FCN1: variants seen among roughly 807,000 people sequenced by gnomAD.
The protein encoded by FCN1 is ficolin 1.
A neutral mutation model predicts 35.6 loss-of-function variants in FCN1; 42 were observed. That is an observed-to-expected ratio of 1.18 (90% confidence interval 0.92 to 1.53). The LOEUF (loss-of-function observed/expected upper bound fraction) is 1.53. Among genes scored for constraint, FCN1 ranks in the 40% most tolerant of loss-of-function variants. The probability of loss-of-function intolerance (pLI) is 0.00; values close to 1 mark genes in which losing one functional copy is unlikely to be tolerated. For synonymous variants in FCN1, 179 were observed against 169.8 expected, an observed-to-expected ratio of 1.05 and a Z score of -0.42; for missense variants, 439 against 428.4, an observed-to-expected ratio of 1.02 and a Z score of -0.22.
Position 134,905,754 on chromosome 9 carries a change from G to A in FCN1, c.*4044C>T, listed in dbSNP as rs1830936624. Reference sequence around the variant, plus strand: ...CCGCCTCGGCCTCCCAAAGTGCTGGGATTACAAGCGTGAGCCACCGCGCCT... The same window carrying A: ...CCGCCTCGGCCTCCCAAAGTGCTGGAATTACAAGCGTGAGCCACCGCGCCT... On this transcript the variant is annotated 3_prime_UTR_variant, in exon 9 of 9. Transcript: ENST00000371806. 4.9e-6 allele frequency: 1 copy of A among 206,012 alleles called. No homozygotes were observed. 12.8% of individuals were successfully genotyped at this position (206,012 alleles called of 1,614,324 possible). A position where few individuals can be genotyped will look rare whatever the true frequency, so the allele number is the denominator to read the frequency against.
intron 5 of FCN1, 136 bp from the exon 6 acceptor site, chr9:134,913,279 G>T: frequency 8.1e-7 from 1 of 1,232,982 alleles, no homozygotes; most frequent in Non-Finnish European, 1.1e-6. Context: ...GGCCTGGACA[G>T]GGACACGGCC....
rs148356480 is a variant in FCN1, at chr9:134,916,463, T to G, written c.104-2A>C. 1 of 1,613,872 alleles carries G rather than the reference T, an allele frequency of 6.2e-7. No individual in the cohort carries two copies. Among genetic ancestry groups the G allele is most frequent in the African/African-American group, 1.3e-5 (1 of 74,938 alleles). ...CCTCCAGGCCCACCACCTTCACCTC[T>G]GCAGAGAAACACAGGTGCCCACTCA... On this transcript the variant is annotated splice_acceptor_variant, in intron 1 of 8. Coordinates refer to ENST00000371806, the MANE Select transcript of FCN1 (RefSeq NM_002003.5). LOFTEE classifies it high-confidence loss of function.
rs935530126 is a variant in FCN1, at chr9:134,905,110, A to T, written c.*4688T>A. Among the ~76,000 whole-genome samples the T allele has an allele frequency of 5.3e-5, 8 of 152,230 alleles. No homozygotes were observed. Among genetic ancestry groups the T allele is most frequent in the Non-Finnish European group, 1.0e-4 (7 of 68,044 alleles). ...ATACCGTAAAAAATCAAGGCTATAT[A>T]TTGCAATCGCAAGCATAAACACCAA... is the stretch of plus-strand genomic sequence containing the variant. On this transcript the variant is annotated 3_prime_UTR_variant, in exon 9 of 9. Coordinates refer to ENST00000371806, the MANE Select transcript of FCN1 (RefSeq NM_002003.5).
chr9:134,916,231 C>A, intron 2 of FCN1, 117 bp downstream of exon 2: 1 of 812,840 alleles, frequency 1.2e-6, no homozygotes. Context: ...GGGCCTGACC[C>A]AGGCTCTTGA....
Position 134,914,433 on chromosome 9 carries a change from G to C in FCN1, c.272-13C>G, listed in dbSNP as rs778151474. On this transcript the variant is annotated splice_polypyrimidine_tract_variant and intron_variant, in intron 3 of 8. Coordinates refer to ENST00000371806, the MANE Select transcript of FCN1 (RefSeq NM_002003.5). ...TCTCCTCGGTCTCCTGGAGGAAGAG[G>C]CAGGATAATGAGCTTTTGACCCCAG... 2.5e-6 allele frequency: 4 copies of C among 1,613,678 alleles called. No homozygotes were observed. In the Admixed American group the frequency reaches 6.7e-5, roughly 27 times the overall value.
rs140975335 is a variant in FCN1 at position 134,914,762 on chromosome 9, G to A, written c.265C>T (p.Pro89Ser). 5 of 1,611,566 alleles carry A rather than the reference G, an allele frequency of 3.1e-6. No individual in the cohort carries two copies. Among genetic ancestry groups the A allele is most frequent in the Non-Finnish European group, 4.2e-6 (5 of 1,178,532 alleles). Residue 89 changes from proline (P) to serine (S), a missense_variant, in exon 3 of 9, where the codon CCC (proline) becomes TCC (serine). Pro to Ser is a moderately conservative substitution (Grantham distance 74, BLOSUM62 -1). Coordinates refer to ENST00000371806, the MANE Select transcript of FCN1 (RefSeq NM_002003.5). ...GAPGKAGPVG[P>S]KGDRGEKGMR... ...CTGTCTGTCCCCTGGTTACCTTTGG[G>A]CCCCACTGGTCCTGCCTTTCCAGGG... is the stretch of plus-strand genomic sequence containing the variant.
At chr9:134,911,540 G>A (rs1303843562) in intron 7 of FCN1, among the ~76,000 whole-genome samples, 3 of 149,928 alleles carry the variant, frequency 2.0e-5, no homozygotes, top group African/African-American at 7.4e-5. Flanking sequence ...TTTTAGTAGA[G>A]ATGGGGTTTC....
chr9:134,904,875 A>T lies in FCN1; in HGVS notation c.*4923T>A, dbSNP rs1830922044. On this transcript the variant is annotated 3_prime_UTR_variant, in exon 9 of 9. Coordinates refer to ENST00000371806, the MANE Select transcript of FCN1 (RefSeq NM_002003.5). ...AATAATAATAATAATAAAATAGAAG[A>T]AGGAATAAAGGGCAACATAAAGTGT... Among the ~76,000 whole-genome samples the T allele has an allele frequency of 6.6e-6, 1 of 152,144 alleles. No homozygotes were observed. Among genetic ancestry groups the T allele is most frequent in the Admixed American group, 6.6e-5 (1 of 15,256 alleles).
At position 134,905,828 on chromosome 9, in the gene FCN1, C is replaced by CTTCTTCTTCTTCTTCTTCTTCTTCT. The variant is rs1564215180; in HGVS notation, c.*3969_*3970insAGAAGAAGAAGAAGAAGAAGAAGAA. On this transcript the variant is annotated 3_prime_UTR_variant, in exon 9 of 9. Transcript: ENST00000371806. ...CTTCTTCCTCTTCTTCTTCTTCTTC[C>CTTCTTCTTCTTCTTCTTCTTCTTCT]TCTTCCTCTTCCTCTTCCTCTTCCT... 13 of 26,166 alleles carry CTTCTTCTTCTTCTTCTTCTTCTTCT rather than the reference C, an allele frequency of 5.0e-4. No homozygotes were observed. The highest frequency in any genetic ancestry group is 1.2e-3 in the South Asian group (1 of 852). 1.6% of individuals were successfully genotyped at this position (26,166 alleles called of 1,614,324 possible).
Position 134,903,252 on chromosome 9 carries a change from C to T in FCN1, c.*6546G>A, listed in dbSNP as rs897924298. Among the ~76,000 whole-genome samples, 9 of 152,136 alleles carry T rather than the reference C, an allele frequency of 5.9e-5. No individual in the cohort carries two copies. Among genetic ancestry groups the T allele is most frequent in the African/African-American group, 2.2e-4 (9 of 41,444 alleles). ...GAAAGTGGTGAACCAGGCTATTAAT[C>T]AGTTTATTAATCTATTTTTTATATA... is the stretch of plus-strand genomic sequence containing the variant. On this transcript the variant is annotated 3_prime_UTR_variant, in exon 9 of 9. Coordinates refer to ENST00000371806, the MANE Select transcript of FCN1 (RefSeq NM_002003.5).
At chr9:134,914,657 G>T in intron 3 of FCN1, 99 bp downstream of exon 3, 1 of 938,394 alleles carries the variant, frequency 1.1e-6, no homozygotes, top group Non-Finnish European at 1.7e-6. Flanking sequence ...CTCTGTGTCT[G>T]TGTCTGTGTC....
chr9:134,909,529 C>G lies in FCN1; in HGVS notation c.*269G>C. 1.4e-6 allele frequency: 2 copies of G among 1,381,870 alleles called. No homozygotes were observed. Among genetic ancestry groups the G allele is most frequent in the Non-Finnish European group, 1.9e-6 (2 of 1,048,822 alleles). 85.6% of individuals were successfully genotyped at this position (1,381,870 alleles called of 1,614,324 possible). Reference sequence around the variant, plus strand: ...GGAAAGACCTGCCGTGCAACAGACACAGGAAAGTGATCAAAACCACTGGTG... The same window carrying G: ...GGAAAGACCTGCCGTGCAACAGACAGAGGAAAGTGATCAAAACCACTGGTG... On this transcript the variant is annotated 3_prime_UTR_variant, in exon 9 of 9. Transcript: ENST00000371806.
At position 134,909,691 on chromosome 9, in the gene FCN1, C is replaced by A. The variant is rs750777696; in HGVS notation, c.*107G>T. 2.5e-6 allele frequency: 4 copies of A among 1,594,912 alleles called. No individual in the cohort carries two copies. Among genetic ancestry groups the A allele is most frequent in the Non-Finnish European group, 3.4e-6 (4 of 1,177,230 alleles). ...CTGGGGGCAAAGGGGCAGCTGTGGG[C>A]GTCATGGGAGTGTGTCTGGCTGGGG... is the stretch of plus-strand genomic sequence containing the variant. On this transcript the variant is annotated 3_prime_UTR_variant, in exon 9 of 9. Coordinates refer to ENST00000371806, the MANE Select transcript of FCN1 (RefSeq NM_002003.5).
chr9:134,909,351 G>A lies in FCN1; in HGVS notation c.*447C>T, dbSNP rs967642681. 25 of 1,289,432 alleles carry A rather than the reference G, an allele frequency of 1.9e-5. No individual in the cohort carries two copies. Among genetic ancestry groups the A allele is most frequent in the South Asian group, 3.7e-5 (3 of 81,004 alleles). 79.9% of individuals were successfully genotyped at this position (1,289,432 alleles called of 1,614,324 possible). A position where few individuals can be genotyped will look rare whatever the true frequency, so the allele number is the denominator to read the frequency against. ...GAAGTGTTGTGAGTGAGGCATGGGG[G>A]GATGGGGGAGGCTTGGGGGTGGAGG... On this transcript the variant is annotated 3_prime_UTR_variant, in exon 9 of 9. Transcript: ENST00000371806.
Position 134,905,119 on chromosome 9 carries a change from G to A in FCN1, c.*4679C>T, listed in dbSNP as rs567809100. On this transcript the variant is annotated 3_prime_UTR_variant, in exon 9 of 9. Transcript: ENST00000371806. ...AAAATCAAGGCTATATATTGCAATC[G>A]CAAGCATAAACACCAAAAGATAGGA... Among the ~76,000 whole-genome samples, 93 of 152,224 alleles carry A rather than the reference G, an allele frequency of 6.1e-4. No homozygotes were observed. The highest frequency in any genetic ancestry group is 2.0e-3 in the African/African-American group (85 of 41,532).
rs904197608 is a variant in FCN1, at chr9:134,909,445, A to G, written c.*353T>C. 5 of 1,293,422 alleles carry G rather than the reference A, an allele frequency of 3.9e-6. No individual in the cohort carries two copies. Among genetic ancestry groups the G allele is most frequent in the East Asian group, 5.4e-5 (1 of 18,624 alleles). The allele number at this position is 1,293,422 out of a possible 1,614,324, so 80.1% of individuals were successfully genotyped here. Reference sequence around the variant, plus strand: ...CAAAAGTCACTCAACCTCCCTGAACATCGGTAGTGCCATCTGCTAAATAAG... The same window carrying G: ...CAAAAGTCACTCAACCTCCCTGAACGTCGGTAGTGCCATCTGCTAAATAAG... On this transcript the variant is annotated 3_prime_UTR_variant, in exon 9 of 9. Transcript: ENST00000371806.
In FCN1 at chr9:134,909,984, C is replaced by T; in HGVS notation, c.795G>A (p.Val265=). Residue 265 remains valine (V), a synonymous_variant, in exon 9 of 9, where the codon GTG becomes GTA. Coordinates refer to ENST00000371806, the MANE Select transcript of FCN1 (RefSeq NM_002003.5). Reference sequence around the variant, plus strand: ...ACTTCTCAGCACAATTCGAAGAACTCACATCATTGTCTTGGTCTTTGGTGG... The same window carrying T: ...ACTTCTCAGCACAATTCGAAGAACTTACATCATTGTCTTGGTCTTTGGTGG... The part of the protein sequence containing the change: ...FFSTKDQDND[V]SSSNCAEKFQ... The T allele has an allele frequency of 6.2e-7, 1 of 1,614,152 alleles. No homozygotes were observed. Among genetic ancestry groups the T allele is most frequent in the South Asian group, 1.1e-5 (1 of 91,072 alleles).
intron 2 of FCN1, among the ~76,000 whole-genome samples, chr9:134,915,563 G>A (rs372821630): frequency 1.3e-4 from 20 of 152,160 alleles, no homozygotes; most frequent in South Asian, 6.2e-4. Flanking sequence ...TCCAGCCTGC[G>A]GAGTGGGCAC....
rs1241230523 is a variant in FCN1, at chr9:134,904,549, C to T, written c.*5249G>A. 7.2e-5 allele frequency among the ~76,000 whole-genome samples: 11 copies of T among 152,072 alleles called. No individual in the cohort carries two copies. In the East Asian group the frequency reaches 1.9e-3, roughly 27 times the overall value. On this transcript the variant is annotated 3_prime_UTR_variant, in exon 9 of 9. Transcript: ENST00000371806. ...ATCCTAGCACTTTGGGAGGCTGAGG[C>T]GGGTGGATCACTTGAGGTCAGGAGT...
Sources: allele counts gnomAD v4.1 joint callset (sites outside exome capture counted in the v4.1 genomes callset), GRCh38; gene constraint gnomAD v4.1.1; transcripts MANE v1.5; gene names NCBI Gene and HGNC (gene_info 2026-07-23, HGNC 2026-07-21).